HELQ: variants seen among roughly 807,000 people sequenced by gnomAD.
HELQ encodes the protein helicase, POLQ like.
HELQ carries 77 observed loss-of-function variants against 111.6 expected under a neutral mutation model. The ratio of observed to expected loss-of-function variants is 0.69; its 90% confidence interval spans 0.57 to 0.83. HELQ has a LOEUF of 0.83. Ranked by LOEUF, HELQ falls within the 40% of genes least tolerant of loss-of-function variation. HELQ has a pLI of 0.00. For synonymous variants in HELQ, 438 were observed against 454.7 expected (o/e 0.96, Z 0.47); for missense variants, 1,200 against 1,288.5 (o/e 0.93, Z 1.05).
intron 3 of HELQ, 88 bp downstream of exon 3, chr4:83,448,695 T>C: frequency 9.2e-7 from 1 of 1,091,922 alleles, no homozygotes; most frequent in Non-Finnish European, 1.3e-6. Flanking sequence ...GAGGTACTTC[T>C]CAACAATACA....
At chr4:83,452,829 C>A (rs912588078) in intron 2 of HELQ, among the ~76,000 whole-genome samples, 4 of 152,146 alleles carry the variant, frequency 2.6e-5, no homozygotes, top group South Asian at 2.1e-4. Flanking sequence ...GAGCACAGAA[C>A]CCAGAATTAG....
chr4:83,439,773 G>A, intron 8 of HELQ, 90 bp downstream of exon 8: 3 of 838,560 alleles, frequency 3.6e-6, no homozygotes, highest in Non-Finnish European at 5.6e-6. Flanking sequence ...TGTTTTGCAA[G>A]GCATAATTAG....
chr4:83,450,964 T>TCTAGGGAAGTGTCTGAGAA (rs1721331448), intron 2 of HELQ, among the ~76,000 whole-genome samples: 1 of 152,110 alleles, frequency 6.6e-6, no homozygotes, highest in Non-Finnish European at 1.5e-5. Context: ...ACGCAGTAGG[T>TCTAGGGAAGTGTCTGAGAA]CTAGGGAAGT....
At chr4:83,450,283 A>G (rs551737665) in intron 2 of HELQ, among the ~76,000 whole-genome samples, 1 of 143,120 alleles carries the variant, frequency 7.0e-6, no homozygotes. Context: ...GTGGTGGATC[A>G]TGTCTGTAAT....
chr4:83,454,492 C>T (rs1376644300), intron 1 of HELQ, among the ~76,000 whole-genome samples: 1 of 151,960 alleles, frequency 6.6e-6, no homozygotes, highest in African/African-American at 2.4e-5. Flanking sequence ...TCACTGCAGT[C>T]TTGACATCCT....
intron 2 of HELQ, 28 bp downstream of exon 2, chr4:83,453,203 A>T (rs775161460): frequency 2.6e-5 from 38 of 1,465,938 alleles, no homozygotes; most frequent in Admixed American, 6.1e-5. Flanking sequence ...TAGGAAAAAA[A>T]TTTTTTTATT....
intron 10 of HELQ, 35 bp from the exon 11 acceptor site, chr4:83,431,803 A>G: frequency 1.2e-6 from 1 of 850,206 alleles, no homozygotes; most frequent in Non-Finnish European, 1.7e-6. Flanking sequence ...GCCTTGTGTT[A>G]TTATTAAAAA....
At chr4:83,434,306 G>T (rs979511781) in intron 9 of HELQ, among the ~76,000 whole-genome samples, 2 of 152,156 alleles carry the variant, frequency 1.3e-5, no homozygotes, top group East Asian at 1.9e-4. Flanking sequence ...AGGAGACAGA[G>T]GTTGCAGTGA....
At chr4:83,436,430 G>T (rs1720464421) in intron 9 of HELQ, among the ~76,000 whole-genome samples, 1 of 152,088 alleles carries the variant, frequency 6.6e-6, no homozygotes, top group Admixed American at 6.5e-5. Flanking sequence ...GGTAATAACT[G>T]GAAAGGTAAT....
At chr4:83,431,334 T>C (rs937410620) in intron 11 of HELQ, among the ~76,000 whole-genome samples, 4 of 152,116 alleles carry the variant, frequency 2.6e-5, no homozygotes, top group African/African-American at 7.2e-5. Context: ...AGTGATCTTT[T>C]TTTTTTTGAG....
At position 83,448,768 on chromosome 4, in the gene HELQ, T is replaced by TAA. The variant is rs567560383; in HGVS notation, c.1191+14_1191+15insTT. 4.4e-6 allele frequency: 7 copies of TAA among 1,576,608 alleles called. No individual in the cohort carries two copies. The highest frequency in any genetic ancestry group is 1.7e-4 in the Middle Eastern group (1 of 5,942). The stretch of plus-strand genomic sequence containing the variant: ...AGCAAATAACATTTGTTTTAAAACA[T>TAA]ACACACACACACACCTTTTCTTGGA... On this transcript the variant is annotated intron_variant, in intron 3 of 17. Coordinates refer to ENST00000295488, the MANE Select transcript of HELQ (RefSeq NM_133636.5).
At chr4:83,450,253 A>AAAAAAAC (rs1721281928) in intron 2 of HELQ, among the ~76,000 whole-genome samples, 1 of 139,152 alleles carries the variant, frequency 7.2e-6, no homozygotes, top group Non-Finnish European at 1.5e-5. Flanking sequence ...AAAAAAAAAA[A>AAAAAAAC]AGCAGATCAT....
chr4:83,439,362 GTCT>G (rs1197215270), intron 8 of HELQ, among the ~76,000 whole-genome samples: 1 of 130,354 alleles, frequency 7.7e-6, no homozygotes, highest in African/African-American at 2.6e-5. Context: ...ACCGTGCCTG[GTCT>G]TCTTTTTTTT....
At chr4:83,451,558 G>A (rs923670371) in intron 2 of HELQ, among the ~76,000 whole-genome samples, 1 of 151,978 alleles carries the variant, frequency 6.6e-6, no homozygotes, top group African/African-American at 2.4e-5. Flanking sequence ...CCCAGCTACT[G>A]GGGAGTCTGA....
At position 83,448,971 on chromosome 4, in the gene HELQ, T is replaced by TAAA; in HGVS notation, c.1013-13_1013-11dup. 1 of 1,353,806 alleles carries TAAA rather than the reference T, an allele frequency of 7.4e-7. No individual in the cohort carries two copies. The highest frequency in any genetic ancestry group is 1.0e-6 in the Non-Finnish European group (1 of 1,000,720). The allele number at this position is 1,353,806 out of a possible 1,614,324, so 83.9% of individuals were successfully genotyped here. A position where few individuals can be genotyped will look rare whatever the true frequency, so the allele number is the denominator to read the frequency against. The stretch of plus-strand genomic sequence containing the variant: ...CAAGTATGTTGCCATTCTGTGGAAT[T>TAAA]AAAAAAAAAAAGGCATTATTTTCCC... On this transcript the variant is annotated splice_polypyrimidine_tract_variant and intron_variant, in intron 2 of 17. Coordinates refer to ENST00000295488, the MANE Select transcript of HELQ (RefSeq NM_133636.5).
At chr4:83,439,255 C>A (rs1720632014) in intron 8 of HELQ, among the ~76,000 whole-genome samples, 1 of 151,542 alleles carries the variant, frequency 6.6e-6, no homozygotes, top group African/African-American at 2.4e-5. Context: ...TCAGTAGAGA[C>A]AGGATTTCAC....
intron 6 of HELQ, among the ~76,000 whole-genome samples, chr4:83,443,312 A>G (rs528162914): frequency 1.3e-5 from 2 of 152,292 alleles, no homozygotes; most frequent in East Asian, 3.9e-4. Context: ...CTATAGATAC[A>G]TTAGTGACCC....
rs762158486 is a variant in HELQ, at chr4:83,443,603, T to A, written c.1477A>T (p.Ile493Phe). Residue 493 changes from isoleucine (I) to phenylalanine (F), a missense_variant, in exon 6 of 18, where the codon ATT becomes TTT. Ile to Phe is a conservative substitution (Grantham distance 21). This residue lies in a region of HELQ where 610 missense variants were observed against 607.1 expected (regional missense o/e 1.00). Coordinates refer to ENST00000295488, the MANE Select transcript of HELQ (RefSeq NM_133636.5). Reference protein sequence around the residue: ...KILYTSKTTQIIGMSATLNNV... With the variant: ...KILYTSKTTQFIGMSATLNNV... ...TTTAATGTTGCACTCATACCAATAA[T>A]TTGAGTCGTTTCTAAAACACAAACA... is the stretch of plus-strand genomic sequence containing the variant. 27 of 1,511,998 alleles carry A rather than the reference T, an allele frequency of 1.8e-5. No homozygotes were observed. Among genetic ancestry groups the A allele is most frequent in the Non-Finnish European group, 2.4e-5 (26 of 1,101,468 alleles). The allele number at this position is 1,511,998 out of a possible 1,614,324, so 93.7% of individuals were successfully genotyped here. A position where few individuals can be genotyped will look rare whatever the true frequency, so the allele number is the denominator to read the frequency against.
chr4:83,442,598 A>G (rs1026857368), intron 6 of HELQ, among the ~76,000 whole-genome samples: 2 of 150,250 alleles, frequency 1.3e-5, no homozygotes, highest in African/African-American at 5.0e-5. Context: ...TTTTTAGTAG[A>G]GTCGGGGTTT....
Sources: allele counts gnomAD v4.1 joint callset (sites outside exome capture counted in the v4.1 genomes callset), GRCh38; gene constraint gnomAD v4.1.1; regional missense constraint gnomAD v4.1.1; transcripts MANE v1.5; gene names NCBI Gene and HGNC (gene_info 2026-07-23, HGNC 2026-07-21).